SSBP2: variants seen among roughly 807,000 people sequenced by gnomAD.
The protein encoded by SSBP2 is single-stranded DNA-binding protein 2.
SSBP2 carries 17 observed loss-of-function variants against 61.8 expected under a neutral mutation model. That is an observed-to-expected ratio of 0.28 (90% CI 0.19 to 0.41). The LOEUF (loss-of-function observed/expected upper bound fraction) is 0.41. Among genes scored for constraint, SSBP2 ranks in the 10% least tolerant of loss-of-function variants. The pLI, the probability that SSBP2 is intolerant of heterozygous loss-of-function variation, is 1.00. For missense variants in SSBP2, 310 were observed against 458.7 expected, an observed-to-expected ratio of 0.68 and a Z score of 2.96; for synonymous variants, 139 against 141.3, an observed-to-expected ratio of 0.98 and a Z score of 0.12.
chr5:81,422,703 A>G (rs938299161), intron 16 of SSBP2, among the ~76,000 whole-genome samples: 3 of 152,196 alleles, frequency 2.0e-5, no homozygotes, highest in African/African-American at 7.2e-5. Flanking sequence ...AGAAACAAGA[A>G]AGGAGATTCA....
At chr5:81,523,426 A>G (rs995660040) in intron 4 of SSBP2, among the ~76,000 whole-genome samples, 3 of 151,980 alleles carry the variant, frequency 2.0e-5, no homozygotes, top group African/African-American at 7.2e-5. Context: ...TTCGAGAAAA[A>G]AATCTCTGGG....
intron 1 of SSBP2, 51 bp from the exon 2 acceptor site, chr5:81,650,390 C>A: frequency 7.8e-7 from 1 of 1,280,944 alleles, no homozygotes; most frequent in Non-Finnish European, 1.1e-6. Context: ...AAAATTCATT[C>A]TTTAAATAAT....
At chr5:81,592,006 G>A (rs571672428) in intron 4 of SSBP2, among the ~76,000 whole-genome samples, 12 of 152,362 alleles carry the variant, frequency 7.9e-5, no homozygotes, top group South Asian at 2.1e-4. Flanking sequence ...TGGGTGCAGC[G>A]CACTGTGCGC....
intron 1 of SSBP2, among the ~76,000 whole-genome samples, chr5:81,716,173 A>C (rs1755159835): frequency 6.6e-6 from 1 of 152,138 alleles, no homozygotes; most frequent in Admixed American, 6.5e-5. Flanking sequence ...AGTAGCAGCA[A>C]TATAAACTTA....
intron 5 of SSBP2, among the ~76,000 whole-genome samples, chr5:81,499,498 CT>C (rs1359984373): frequency 6.6e-6 from 1 of 152,152 alleles, no homozygotes; most frequent in Non-Finnish European, 1.5e-5. Context: ...GTCTAATAAA[CT>C]GTGAATGTTT....
At chr5:81,635,941 A>C (rs1748185419) in intron 3 of SSBP2, among the ~76,000 whole-genome samples, 2 of 152,192 alleles carry the variant, frequency 1.3e-5, no homozygotes, top group African/African-American at 4.8e-5. Flanking sequence ...GCTCTCTCCC[A>C]AATTCATATA....
intron 6 of SSBP2, among the ~76,000 whole-genome samples, chr5:81,482,168 T>C (rs1336842390): frequency 6.6e-6 from 1 of 152,164 alleles, no homozygotes; most frequent in African/African-American, 2.4e-5. Flanking sequence ...GGTCTTGAAC[T>C]CTTGATCTCA....
Position 81,663,469 on chromosome 5 carries a change from C to G in SSBP2, c.63-13130G>C, listed in dbSNP as rs145956832. ...GTGAACAGGATTCATCAAGTGTTTC[C>G]TTACATTTTATGTGCTAGTTATAAA... On this transcript the variant is annotated intron_variant, in intron 1 of 16. Transcript: ENST00000320672. Among the ~76,000 whole-genome samples the G allele has an allele frequency of 3.1e-3, 478 of 152,176 alleles. 5 individuals carry two copies. The highest frequency in any genetic ancestry group is 0.016 in the East Asian group (81 of 5,184).
intron 4 of SSBP2, among the ~76,000 whole-genome samples, chr5:81,605,402 AT>A (rs1744780304): frequency 6.6e-6 from 1 of 152,080 alleles, no homozygotes; most frequent in African/African-American, 2.4e-5. Context: ...AAAGTCCTAA[AT>A]TTCTTTCTTT....
intron 1 of SSBP2, among the ~76,000 whole-genome samples, chr5:81,747,943 T>C (rs1418330568): frequency 6.6e-6 from 1 of 152,198 alleles, no homozygotes; most frequent in Non-Finnish European, 1.5e-5. Context: ...AGACTTGATC[T>C]GCTTTTCTTA....
chr5:81,521,387 T>C (rs1339463304), intron 4 of SSBP2, among the ~76,000 whole-genome samples: 1 of 152,050 alleles, frequency 6.6e-6, no homozygotes, highest in African/African-American at 2.4e-5. Flanking sequence ...TTCAACTTTA[T>C]CTAATTTTTT....
intron 4 of SSBP2, among the ~76,000 whole-genome samples, chr5:81,608,149 G>C (rs11749863): frequency 0.17 from 26,449 of 151,728 alleles, 2,410 homozygotes; most frequent in Non-Finnish European, 0.21. Flanking sequence ...CTTTCTCTAT[G>C]TTCTTCCTCC....
At chr5:81,513,103 C>T (rs988892916) in intron 5 of SSBP2, among the ~76,000 whole-genome samples, 2 of 151,944 alleles carry the variant, frequency 1.3e-5, no homozygotes, top group East Asian at 1.9e-4. Context: ...TTTAAGAATA[C>T]TCACATGTAT....
chr5:81,518,052 A>C (rs1769171251), intron 4 of SSBP2, among the ~76,000 whole-genome samples: 1 of 152,158 alleles, frequency 6.6e-6, no homozygotes, highest in African/African-American at 2.4e-5. Context: ...TTATTTACTA[A>C]GAATGCTAGA....
intron 2 of SSBP2, among the ~76,000 whole-genome samples, chr5:81,645,530 G>T (rs1749168970): frequency 6.6e-6 from 1 of 152,012 alleles, no homozygotes; most frequent in African/African-American, 2.4e-5. Flanking sequence ...ATTTGTTAAG[G>T]GTATTGAGCC....
intron 10 of SSBP2, among the ~76,000 whole-genome samples, chr5:81,456,052 G>A (rs1764121121): frequency 6.6e-6 from 1 of 152,102 alleles, no homozygotes; most frequent in Admixed American, 6.5e-5. Flanking sequence ...AATAAGGGAA[G>A]ATAATATCAA....
intron 4 of SSBP2, among the ~76,000 whole-genome samples, chr5:81,553,956 C>T (rs192858418): frequency 6.6e-6 from 1 of 152,024 alleles, no homozygotes; most frequent in Admixed American, 6.6e-5. Context: ...ACCACAGTTT[C>T]AACAAGAAAT....
chr5:81,672,059 T>A (rs1224191025), intron 1 of SSBP2, among the ~76,000 whole-genome samples: 3 of 152,158 alleles, frequency 2.0e-5, no homozygotes, highest in Non-Finnish European at 4.4e-5. Flanking sequence ...ACTATCAATA[T>A]GCAAAAGAAA....
At chr5:81,472,121 A>C (rs1318014542) in intron 8 of SSBP2, among the ~76,000 whole-genome samples, 2 of 152,190 alleles carry the variant, frequency 1.3e-5, no homozygotes, top group East Asian at 1.9e-4. Context: ...CTTGGAAAGG[A>C]GAAATGAATA....
Sources: gnomAD v4.1 joint callset for allele counts (sites outside exome capture counted in the v4.1 genomes callset) on GRCh38, gnomAD v4.1.1 for gene constraint, MANE v1.5 for transcripts, NCBI Gene and HGNC (gene_info 2026-07-23, HGNC 2026-07-21) for gene names.